Variants in EPHB1 observed in about 807,000 individuals in gnomAD.
EPHB1 encodes the protein EPH receptor B1, also known as ephrin type-B receptor 1.
In EPHB1, 30 loss-of-function variants were observed where a neutral mutation model predicts 94.4. The observed-to-expected ratio is 0.32, with a 90% confidence interval of 0.24 to 0.43. The LOEUF is 0.43. Among genes scored for constraint, EPHB1 ranks in the 20% least tolerant of loss-of-function variants. The pLI is 1.00. For missense variants in EPHB1, 1,055 were observed against 1,308.3 expected, an observed-to-expected ratio of 0.81 and a Z score of 2.99; for synonymous variants, 522 against 489.1, an observed-to-expected ratio of 1.07 and a Z score of -0.89.
At chr3:135,142,606 T>G (rs1403760424) in intron 5 of EPHB1, among the ~76,000 whole-genome samples, 2 of 152,092 alleles carry the variant, frequency 1.3e-5, no homozygotes, top group African/African-American at 2.4e-5. Flanking sequence ...AGAGTTGCAG[T>G]GGGCTCATCT....
chr3:134,975,787 G>C (rs1387257221), intron 3 of EPHB1, among the ~76,000 whole-genome samples: 4 of 151,734 alleles, frequency 2.6e-5, no homozygotes, highest in African/African-American at 9.7e-5. Flanking sequence ...GGCAGGGGGG[G>C]AGTGAGAAAG....
chr3:135,077,627 G>A (rs546546862), intron 3 of EPHB1, among the ~76,000 whole-genome samples: 87 of 152,314 alleles, frequency 5.7e-4, no homozygotes, highest in Non-Finnish European at 1.1e-3. Flanking sequence ...GGGGTAGCAG[G>A]AGCTGAAGGA....
At chr3:135,257,967 C>A (rs1450654733) in intron 15 of EPHB1, among the ~76,000 whole-genome samples, 1 of 152,110 alleles carries the variant, frequency 6.6e-6, no homozygotes, top group Non-Finnish European at 1.5e-5. Context: ...GTGGGAGTGA[C>A]CCGATTTTCC....
intron 3 of EPHB1, among the ~76,000 whole-genome samples, chr3:135,021,246 T>G (rs1167032012): frequency 6.6e-6 from 1 of 152,200 alleles, no homozygotes; most frequent in East Asian, 1.9e-4. Context: ...AGTAAACAGC[T>G]GCCAATAATT....
At chr3:135,152,102 T>C (rs1390677961) in intron 5 of EPHB1, among the ~76,000 whole-genome samples, 2 of 152,208 alleles carry the variant, frequency 1.3e-5, no homozygotes, top group Non-Finnish European at 2.9e-5. Context: ...CATGGTCTCA[T>C]TTGGAAAAGA....
At chr3:135,114,129 A>G (rs1939578912) in intron 4 of EPHB1, among the ~76,000 whole-genome samples, 1 of 152,228 alleles carries the variant, frequency 6.6e-6, no homozygotes. Context: ...TGCACTTATC[A>G]GTACGATTTC....
chr3:134,944,944 T>TGTTC (rs2039187817), intron 2 of EPHB1, among the ~76,000 whole-genome samples: 1 of 152,268 alleles, frequency 6.6e-6, no homozygotes, highest in African/African-American at 2.4e-5. Context: ...ATCACACTTT[T>TGTTC]GTTCTTTGAC....
chr3:135,192,518 C>T, intron 10 of EPHB1, 58 bp from the exon 11 acceptor site: 1 of 1,584,994 alleles, frequency 6.3e-7, no homozygotes, highest in Non-Finnish European at 8.6e-7. Flanking sequence ...GATGACTTCC[C>T]TCTTGAGTCC....
chr3:134,798,759 G>A (rs1391523799), intron 1 of EPHB1, among the ~76,000 whole-genome samples: 12 of 152,202 alleles, frequency 7.9e-5, no homozygotes, highest in Admixed American at 7.2e-4. Flanking sequence ...AGCGAAGGCA[G>A]CTGCTTGCAT....
chr3:134,925,094 C>A lies in EPHB1; in HGVS notation c.59-722C>A, dbSNP rs114252861. ...CCTGACGGCTCCTAGGAGCTCACAG[C>A]AGCATCCAGGTGTCTGTCTTTCCTT... On this transcript the variant is annotated intron_variant, in intron 1 of 15. Transcript: ENST00000398015. Among the ~76,000 whole-genome samples the A allele has an allele frequency of 2.0e-3, 309 of 152,344 alleles. 2 individuals are homozygous for A. Among genetic ancestry groups the A allele is most frequent in the African/African-American group, 7.1e-3 (295 of 41,574 alleles).
intron 3 of EPHB1, among the ~76,000 whole-genome samples, chr3:135,042,006 C>T (rs1054349124): frequency 6.6e-6 from 1 of 152,222 alleles, no homozygotes; most frequent in Non-Finnish European, 1.5e-5. Context: ...ATGACCATGG[C>T]TCACTGCAGC....
intron 10 of EPHB1, among the ~76,000 whole-genome samples, chr3:135,186,090 A>G (rs560462419): frequency 1.3e-5 from 2 of 152,368 alleles, no homozygotes; most frequent in East Asian, 1.9e-4. Flanking sequence ...CTAATTACAT[A>G]TAAAATGTAG....
At chr3:135,054,040 T>TATATATATATATATATAC (rs377064799) in intron 3 of EPHB1, among the ~76,000 whole-genome samples, 1 of 139,810 alleles carries the variant, frequency 7.2e-6, no homozygotes, top group African/African-American at 2.7e-5. Context: ...TATATATATA[T>TATATATATATATATATAC]ACACACACAC....
intron 3 of EPHB1, among the ~76,000 whole-genome samples, chr3:135,074,767 G>T (rs1290685267): frequency 6.6e-6 from 1 of 152,114 alleles, no homozygotes; most frequent in African/African-American, 2.4e-5. Flanking sequence ...TCATTATGAA[G>T]GCTGTTTCCA....
Position 134,847,091 on chromosome 3 carries a change from C to T in EPHB1, c.58+51402C>T, listed in dbSNP as rs374886016. ...GGGTCAGAGGGTATGCGCCATTTCA[C>T]GCTGATTAACAGAACGTGGCCTTCC... On this transcript the variant is annotated intron_variant, in intron 1 of 15. Transcript: ENST00000398015. Among the ~76,000 whole-genome samples the T allele has an allele frequency of 7.9e-5, 12 of 152,126 alleles. 1 individual carries two copies. The highest frequency in any genetic ancestry group is 1.9e-4 in the East Asian group (1 of 5,166).
At chr3:135,118,909 G>T (rs1559838438) in intron 4 of EPHB1, among the ~76,000 whole-genome samples, 5 of 152,158 alleles carry the variant, frequency 3.3e-5, no homozygotes, top group Admixed American at 3.3e-4. Context: ...AATTCACCTA[G>T]AAATAGAATT....
intron 11 of EPHB1, among the ~76,000 whole-genome samples, chr3:135,200,494 G>A (rs1695897303): frequency 6.6e-6 from 1 of 152,216 alleles, no homozygotes; most frequent in Non-Finnish European, 1.5e-5. Flanking sequence ...AGGGCTGAAA[G>A]CCCTGGGATT....
At chr3:134,894,406 C>A (rs559386454) in intron 1 of EPHB1, among the ~76,000 whole-genome samples, 5 of 152,292 alleles carry the variant, frequency 3.3e-5, no homozygotes, top group African/African-American at 1.2e-4. Flanking sequence ...AGGAAAAATG[C>A]AAAGGTGAAA....
chr3:134,831,636 C>T (rs761163506), intron 1 of EPHB1, among the ~76,000 whole-genome samples: 4 of 152,192 alleles, frequency 2.6e-5, no homozygotes, highest in Non-Finnish European at 4.4e-5. Context: ...GGCTGACTCT[C>T]GATCCCTTCA....
Sources: allele counts gnomAD v4.1 joint callset (sites outside exome capture counted in the v4.1 genomes callset), GRCh38; gene constraint gnomAD v4.1.1; transcripts MANE v1.5; gene names NCBI Gene and HGNC (gene_info 2026-07-23, HGNC 2026-07-21).